Variants in NNT observed in about 807,000 individuals in gnomAD.
NNT encodes nicotinamide nucleotide transhydrogenase.
A neutral mutation model predicts 104.8 loss-of-function variants in NNT; 50 were observed. That is an observed-to-expected ratio of 0.48 (90% CI 0.38 to 0.60). The LOEUF (loss-of-function observed/expected upper bound fraction) is 0.60. Among genes scored for constraint, NNT ranks in the 20% least tolerant of loss-of-function variants. The probability of loss-of-function intolerance (pLI) is 0.00; values close to 1 mark genes in which losing one functional copy is unlikely to be tolerated. For missense variants in NNT, 1,131 were observed against 1,330.7 expected (o/e 0.85, Z 2.33); for synonymous variants, 461 against 490.4 (o/e 0.94, Z 0.79).
intron 5 of NNT, among the ~76,000 whole-genome samples, chr5:43,622,548 C>T (rs1171876205): frequency 6.6e-6 from 1 of 152,172 alleles, no homozygotes; most frequent in Non-Finnish European, 1.5e-5. Context: ...GATCACAGGC[C>T]TGAGCCACCT....
intron 16 of NNT, among the ~76,000 whole-genome samples, chr5:43,657,603 A>T (rs1446109856): frequency 6.6e-6 from 1 of 152,188 alleles, no homozygotes; most frequent in Non-Finnish European, 1.5e-5. Context: ...AGAAACACCT[A>T]ATTTATAGTG....
At chr5:43,617,495 G>T (rs56065559) in intron 4 of NNT, among the ~76,000 whole-genome samples, 3 of 152,186 alleles carry the variant, frequency 2.0e-5, no homozygotes, top group Non-Finnish European at 4.4e-5. Flanking sequence ...AGCATAGTGT[G>T]AAAGGAATCA....
At chr5:43,658,281 G>C (rs1740163988) in intron 16 of NNT, among the ~76,000 whole-genome samples, 3 of 152,102 alleles carry the variant, frequency 2.0e-5, no homozygotes, top group Non-Finnish European at 4.4e-5. Flanking sequence ...TTATTTTATT[G>C]CTTTTGGCTT....
intron 6 of NNT, among the ~76,000 whole-genome samples, chr5:43,624,785 G>A (rs552425193): frequency 1.3e-5 from 2 of 152,224 alleles, no homozygotes; most frequent in South Asian, 2.1e-4. Context: ...AATGTCAGTC[G>A]AGTACAGTTA....
intron 7 of NNT, among the ~76,000 whole-genome samples, chr5:43,631,821 A>T (rs1750691214): frequency 6.6e-6 from 1 of 152,088 alleles, no homozygotes. Flanking sequence ...AGTTTTATTA[A>T]TCTGTTCCAC....
At chr5:43,701,941 ATTTATTTTAT>A (rs569199378) in intron 20 of NNT, among the ~76,000 whole-genome samples, 2 of 151,742 alleles carry the variant, frequency 1.3e-5, no homozygotes, top group Non-Finnish European at 2.9e-5. Context: ...TTTTTTTAAA[ATTTATTTTAT>A]TTTATTTTAT....
chr5:43,655,256 G>C (rs1379938611), intron 14 of NNT, among the ~76,000 whole-genome samples: 1 of 152,194 alleles, frequency 6.6e-6, no homozygotes, highest in Admixed American at 6.5e-5. Context: ...GTTTGTGACG[G>C]GAAGAGGCAC....
intron 5 of NNT, among the ~76,000 whole-genome samples, chr5:43,623,762 G>T (rs1003520907): frequency 6.6e-6 from 1 of 152,094 alleles, no homozygotes; most frequent in African/African-American, 2.4e-5. Flanking sequence ...AGTTTTACAC[G>T]GATATTCTGA....
intron 11 of NNT, among the ~76,000 whole-genome samples, chr5:43,649,668 C>T (rs1014600569): frequency 6.6e-6 from 1 of 151,828 alleles, no homozygotes; most frequent in Non-Finnish European, 1.5e-5. Context: ...CTATAGGGCT[C>T]TCCTTGGATT....
At chr5:43,687,659 A>G (rs892146169) in intron 19 of NNT, among the ~76,000 whole-genome samples, 10 of 152,170 alleles carry the variant, frequency 6.6e-5, no homozygotes, top group African/African-American at 1.9e-4. Flanking sequence ...TTAGAGTCAT[A>G]AAGTTTAGTG....
chr5:43,618,506 A>AT, intron 4 of NNT, among the ~76,000 whole-genome samples: 1 of 152,078 alleles, frequency 6.6e-6, no homozygotes, highest in East Asian at 1.9e-4. Flanking sequence ...TATTTTAAGG[A>AT]TTTTCCCCCC....
chr5:43,645,271 G>T, intron 9 of NNT, 86 bp from the exon 10 acceptor site: 1 of 698,524 alleles, frequency 1.4e-6, no homozygotes, highest in East Asian at 3.6e-5. Context: ...TAAAAGAACA[G>T]GGTTTTAAAA....
chr5:43,605,090 C>G (rs1749135819), intron 1 of NNT, among the ~76,000 whole-genome samples: 1 of 152,228 alleles, frequency 6.6e-6, no homozygotes, highest in Non-Finnish European at 1.5e-5. Flanking sequence ...AGATCCAGAG[C>G]TGACTCTCTT....
At position 43,650,426 on chromosome 5, in the gene NNT, G is replaced by T. The variant is rs1372562617; in HGVS notation, c.1607-51G>T. The T allele has an allele frequency of 2.3e-6, 3 of 1,290,646 alleles. No individual in the cohort carries two copies. The South Asian group carries it at 3.6e-5, about 15-fold the overall frequency. The allele number at this position is 1,290,646 out of a possible 1,614,324, so 79.9% of individuals were successfully genotyped here. On this transcript the variant is annotated intron_variant, in intron 11 of 21. Coordinates refer to ENST00000344920, the MANE Select transcript of NNT (RefSeq NM_182977.3). The stretch of plus-strand genomic sequence containing the variant: ...GTGAGGTACTTCAGCTATGATATTT[G>T]ATTTGGTGGTGTCACTATCACTATT...
chr5:43,626,385 A>G (rs1413149570), intron 6 of NNT, among the ~76,000 whole-genome samples: 1 of 151,998 alleles, frequency 6.6e-6, no homozygotes, highest in Non-Finnish European at 1.5e-5. Context: ...TTGATATCTC[A>G]GGGGGATCAT....
At position 43,607,913 on chromosome 5, in the gene NNT, C is replaced by G. The variant is rs537186466; in HGVS notation, c.-53-1230C>G. On this transcript the variant is annotated intron_variant, in intron 1 of 21. Transcript: ENST00000344920. ...TTAGCTGAGTTTGGCTGATAAAATT[C>G]TAAGTCCTTGGCTGCTTTCTATTCT... 7.2e-4 allele frequency among the ~76,000 whole-genome samples: 108 copies of G among 150,404 alleles called. 1 individual carries two copies. Among genetic ancestry groups the G allele is most frequent in the African/African-American group, 2.6e-3 (107 of 40,412 alleles).
chr5:43,621,059 A>G lies in NNT; in HGVS notation c.687+1940A>G, dbSNP rs1274267004. ...GAAATAGTTTTCTGAAATTGAAGGCACTGGTATAGCTCATTAAGGTGGATT... is the reference window on the plus strand; with the variant it reads ...GAAATAGTTTTCTGAAATTGAAGGCGCTGGTATAGCTCATTAAGGTGGATT... On this transcript the variant is annotated intron_variant, in intron 5 of 21. Coordinates refer to ENST00000344920, the MANE Select transcript of NNT (RefSeq NM_182977.3). Among the ~76,000 whole-genome samples the G allele has an allele frequency of 2.0e-5, 3 of 152,366 alleles. No individual in the cohort carries two copies. In the East Asian group the frequency reaches 5.8e-4, roughly 29 times the overall value.
Position 43,650,705 on chromosome 5 carries a change from A to G in NNT, c.1717+118A>G, listed in dbSNP as rs1739713942. ...AAAAAATGTTTCACTCTGACCGTAA[A>G]TGCTCTTTTTGCAGGAAAATTAGTT... On this transcript the variant is annotated intron_variant, in intron 12 of 21. Transcript: ENST00000344920. 3 of 665,748 alleles carry G rather than the reference A, an allele frequency of 4.5e-6. No individual in the cohort carries two copies. In the Admixed American group the frequency reaches 8.8e-5, roughly 20 times the overall value. The allele number at this position is 665,748 out of a possible 1,614,324, so 41.2% of individuals were successfully genotyped here.
chr5:43,677,841 G>A lies in NNT; in HGVS notation c.2876+35G>A, dbSNP rs760934039. ...TGCAGTGGAGAGGCTTGCACTATGT[G>A]TAAAGATGTGTGTGTGGAGAAAAGG... is the stretch of plus-strand genomic sequence containing the variant. On this transcript the variant is annotated intron_variant, in intron 19 of 21. Coordinates refer to ENST00000344920, the MANE Select transcript of NNT (RefSeq NM_182977.3). 4 of 1,503,830 alleles carry A rather than the reference G, an allele frequency of 2.7e-6. No individual in the cohort carries two copies. The South Asian group carries it at 4.5e-5, about 17-fold the overall frequency. The allele number at this position is 1,503,830 out of a possible 1,614,324, so 93.2% of individuals were successfully genotyped here.
Sources: gnomAD v4.1 joint callset for allele counts (sites outside exome capture counted in the v4.1 genomes callset) on GRCh38, gnomAD v4.1.1 for gene constraint, MANE v1.5 for transcripts, NCBI Gene and HGNC (gene_info 2026-07-23, HGNC 2026-07-21) for gene names.